The following TAB2 variants were observed in gnomAD, a reference collection of about 807,000 sequenced individuals.
The protein encoded by TAB2 is TGF-beta activated kinase 1 (MAP3K7) binding protein 2, also known as TGF-beta-activated kinase 1 and MAP3K7-binding protein 2.
In TAB2, 3 loss-of-function variants were observed where a neutral mutation model predicts 65.0. That is an observed-to-expected ratio of 0.05 (90% CI 0.02 to 0.12). The LOEUF is 0.12. Ranked by LOEUF, TAB2 falls within the 10% of genes least tolerant of loss-of-function variation. TAB2 has a pLI of 1.00. For synonymous variants in TAB2, 298 were observed against 285.1 expected, an observed-to-expected ratio of 1.05 and a Z score of -0.46; for missense variants, 623 against 840.3, an observed-to-expected ratio of 0.74 and a Z score of 3.20.
chr6:149,310,676 T>C (rs541692066), intron 1 of TAB2, among the ~76,000 whole-genome samples: 91 of 152,312 alleles, frequency 6.0e-4, no homozygotes, highest in African/African-American at 2.0e-3. Context: ...CTTTTACATC[T>C]GAATGACAGA....
At position 149,411,516 on chromosome 6, in the gene TAB2, A is replaced by T. The variant is rs944052143; in HGVS notation, c.*1797A>T. The T allele has an allele frequency of 6.5e-6, 1 of 153,076 alleles. No homozygotes were observed. The highest frequency in any genetic ancestry group is 1.5e-5 in the Non-Finnish European group (1 of 68,038). The allele number at this position is 153,076 out of a possible 1,614,324, so 9.5% of individuals were successfully genotyped here. On this transcript the variant is annotated 3_prime_UTR_variant, in exon 7 of 7. Transcript: ENST00000637181. Reference sequence around the variant, plus strand: ...GTTTTATTAATAAAACGTAATTTGGATATCTTGAGTTGATGGTTTTGTGAT... The same window carrying T: ...GTTTTATTAATAAAACGTAATTTGGTTATCTTGAGTTGATGGTTTTGTGAT...
intron 1 of TAB2, among the ~76,000 whole-genome samples, chr6:149,261,103 G>A (rs1778144352): frequency 6.6e-6 from 1 of 152,146 alleles, no homozygotes; most frequent in Non-Finnish European, 1.5e-5. Flanking sequence ...AGAGTTCAAG[G>A]AAAAGCAAGG....
At chr6:149,268,425 G>T (rs1383922209) in intron 1 of TAB2, among the ~76,000 whole-genome samples, 1 of 152,170 alleles carries the variant, frequency 6.6e-6, no homozygotes, top group East Asian at 1.9e-4. Flanking sequence ...CTACAGAAGA[G>T]GTGAGAATGA....
chr6:149,357,734 C>G (rs1780711363), intron 1 of TAB2, among the ~76,000 whole-genome samples: 1 of 151,402 alleles, frequency 6.6e-6, no homozygotes, highest in Non-Finnish European at 1.5e-5. Flanking sequence ...GAGTCTCGCT[C>G]TGTCACCCAG....
At chr6:149,343,978 T>C (rs566190409) in intron 1 of TAB2, among the ~76,000 whole-genome samples, 11 of 152,238 alleles carry the variant, frequency 7.2e-5, no homozygotes, top group Non-Finnish European at 1.2e-4. Flanking sequence ...AAGGCAATCC[T>C]AATATTCTAG....
intron 1 of TAB2, among the ~76,000 whole-genome samples, chr6:149,297,183 T>A (rs758660330): frequency 9.9e-5 from 15 of 152,038 alleles, no homozygotes; most frequent in Non-Finnish European, 1.9e-4. Flanking sequence ...TTCAACCCAA[T>A]ACTTTATCAC....
At chr6:149,408,836 G>A (rs1351972091) in intron 6 of TAB2, among the ~76,000 whole-genome samples, 3 of 152,066 alleles carry the variant, frequency 2.0e-5, no homozygotes. Context: ...TAGAGTTCCA[G>A]TGACCTTTAT....
At position 149,400,321 on chromosome 6, in the gene TAB2, C is replaced by T. The variant is rs1281803657; in HGVS notation, c.1939+1137C>T. ...ACCTCCTGCTGCTCTTCCTGCTGCT[C>T]GTGTACTCGTTAGGTGCGGACCCGC... On this transcript the variant is annotated intron_variant, in intron 6 of 6. Coordinates refer to ENST00000637181, the MANE Select transcript of TAB2 (RefSeq NM_001292034.3). 27 of 1,522,980 alleles carry T rather than the reference C, an allele frequency of 1.8e-5. No individual in the cohort carries two copies. The South Asian group carries it at 2.1e-4, about 12-fold the overall frequency. 94.3% of individuals were successfully genotyped at this position (1,522,980 alleles called of 1,614,324 possible). A position where few individuals can be genotyped will look rare whatever the true frequency, so the allele number is the denominator to read the frequency against.
intron 6 of TAB2, among the ~76,000 whole-genome samples, chr6:149,402,245 A>G (rs1322281837): frequency 1.3e-5 from 2 of 152,106 alleles, no homozygotes; most frequent in Non-Finnish European, 2.9e-5. Context: ...TGAAGACAAC[A>G]GATGCCTCAG....
intron 6 of TAB2, among the ~76,000 whole-genome samples, chr6:149,402,892 C>T (rs1338381385): frequency 6.6e-6 from 1 of 152,124 alleles, no homozygotes; most frequent in African/African-American, 2.4e-5. Context: ...ATGTAGTCAT[C>T]TTAATAGATG....
At position 149,220,183 on chromosome 6, in the gene TAB2, A is replaced by C. The variant is rs140153036; in HGVS notation, c.-121+1407A>C. Among the ~76,000 whole-genome samples the C allele has an allele frequency of 5.7e-3, 861 of 152,320 alleles. 7 individuals are homozygous for C. The highest frequency in any genetic ancestry group is 0.019 in the African/African-American group (794 of 41,558). On this transcript the variant is annotated intron_variant, in intron 1 of 1. Transcript: ENST00000606202. ...CAATCTGTTACGCTGTCTTGGTTGA[A>C]ATATGTAAAGAAAATTCAGCTCTAT...
At chr6:149,314,644 G>T (rs767441268), upstream of TAB2, among the ~76,000 whole-genome samples, 1 of 152,086 alleles carries the variant, frequency 6.6e-6, no homozygotes, top group Non-Finnish European at 1.5e-5. Flanking sequence ...TTGTATCAAT[G>T]CTATTTATAT....
intron 1 of TAB2, among the ~76,000 whole-genome samples, chr6:149,301,351 G>C (rs1169881502): frequency 6.6e-6 from 1 of 152,186 alleles, no homozygotes; most frequent in African/African-American, 2.4e-5. Flanking sequence ...TTAAGCAGTG[G>C]GTGCTTGGGG....
chr6:149,397,809 G>C lies in TAB2; in HGVS notation c.1764+45G>C, dbSNP rs200077241. 24 of 1,605,898 alleles carry C rather than the reference G, an allele frequency of 1.5e-5. No individual in the cohort carries two copies. The Admixed American group carries it at 3.7e-4, about 25-fold the overall frequency. ...TTGTGATCTCTGCTTGAACATGAGA[G>C]TAGGCCATCTAACATAAGTGTAATA... is the stretch of plus-strand genomic sequence containing the variant. On this transcript the variant is annotated intron_variant, in intron 4 of 6. Coordinates refer to ENST00000637181, the MANE Select transcript of TAB2 (RefSeq NM_001292034.3).
At chr6:149,401,744 A>G (rs1410866424) in intron 6 of TAB2, among the ~76,000 whole-genome samples, 6 of 152,196 alleles carry the variant, frequency 3.9e-5, no homozygotes, top group Non-Finnish European at 8.8e-5. Flanking sequence ...AAACAAACCT[A>G]AGAAGATAGA....
chr6:149,378,626 T>G lies in TAB2; in HGVS notation c.711T>G (p.Ser237=). 1.2e-6 allele frequency: 2 copies of G among 1,613,366 alleles called. No individual in the cohort carries two copies. Among genetic ancestry groups the G allele is most frequent in the Non-Finnish European group, 1.7e-6 (2 of 1,180,022 alleles). ...RQTQQHSGWV[S]QFNPMNPQQV... ...CACAACAGCATTCTGGCTGGGTATC[T>G]CAGTTTAATCCCATGAACCCTCAGC... Residue 237 remains serine, a synonymous_variant, in exon 3 of 7, where the codon TCT becomes TCG. Transcript: ENST00000637181.
chr6:149,266,427 C>T (rs1299644377), intron 1 of TAB2, among the ~76,000 whole-genome samples: 1 of 152,196 alleles, frequency 6.6e-6, no homozygotes, highest in Non-Finnish European at 1.5e-5. Context: ...CTGCTGAGAA[C>T]ACCCCACTCC....
chr6:149,290,652 T>C (rs1373986543), intron 1 of TAB2, among the ~76,000 whole-genome samples: 1 of 152,110 alleles, frequency 6.6e-6, no homozygotes, highest in Non-Finnish European at 1.5e-5. Flanking sequence ...GAGACCAGCC[T>C]GGACAACATG....
chr6:149,334,686 A>AAG (rs1365238694), intron 1 of TAB2, among the ~76,000 whole-genome samples: 5 of 152,212 alleles, frequency 3.3e-5, no homozygotes, highest in African/African-American at 9.6e-5. Flanking sequence ...TAAAAAAAAA[A>AAG]AAAAGAAAAC....
Sources: allele counts gnomAD v4.1 joint callset (sites outside exome capture counted in the v4.1 genomes callset), GRCh38; gene constraint gnomAD v4.1.1; transcripts MANE v1.5; gene names NCBI Gene and HGNC (gene_info 2026-07-23, HGNC 2026-07-21).